The following ASZ1 variants were observed in gnomAD, a reference collection of about 807,000 sequenced individuals.
The protein encoded by ASZ1 is ankyrin repeat, SAM and basic leucine zipper domain containing 1.
In ASZ1, 67 loss-of-function variants were observed where a neutral mutation model predicts 61.8. The ratio of observed to expected loss-of-function variants is 1.08; its 90% confidence interval spans 0.89 to 1.33. The LOEUF is 1.33. Among genes scored for constraint, ASZ1 ranks in the 40% most tolerant of loss-of-function variants. The pLI is 0.00. For missense variants in ASZ1, 577 were observed against 554.5 expected (o/e 1.04, Z -0.41); for synonymous variants, 193 against 192.7 (o/e 1.00, Z -0.01).
chr7:117,363,854 T>C (rs1002177958), intron 12 of ASZ1, 106 bp from the exon 13 acceptor site: 4 of 949,620 alleles, frequency 4.2e-6, no homozygotes, highest in African/African-American at 1.7e-5. Context: ...TCATTTCACT[T>C]GATTTAGATG....
At chr7:117,366,395 G>GAAA (rs1795939895) in intron 12 of ASZ1, among the ~76,000 whole-genome samples, 1 of 152,116 alleles carries the variant, frequency 6.6e-6, no homozygotes, top group Non-Finnish European at 1.5e-5. Flanking sequence ...TAATGAAAAT[G>GAAA]TTAAATGAAT....
chr7:117,384,665 G>T, intron 6 of ASZ1, 61 bp downstream of exon 6: 1 of 1,508,722 alleles, frequency 6.6e-7, no homozygotes, highest in African/African-American at 1.4e-5. Context: ...TAATACAAAA[G>T]TTCTACAAAT....
intron 4 of ASZ1, among the ~76,000 whole-genome samples, chr7:117,414,255 T>C (rs1796948007): frequency 6.6e-6 from 1 of 152,128 alleles, no homozygotes; most frequent in African/African-American, 2.4e-5. Flanking sequence ...TTTTTTCCTT[T>C]TCAAGAAGCC....
chr7:117,385,643 G>T, intron 5 of ASZ1, 55 bp downstream of exon 5: 1 of 1,374,342 alleles, frequency 7.3e-7, no homozygotes, highest in Admixed American at 2.0e-5. Context: ...TTCTTTTTTT[G>T]TAGATTACTG....
intron 4 of ASZ1, among the ~76,000 whole-genome samples, chr7:117,408,283 A>G (rs1180143782): frequency 6.6e-6 from 1 of 152,194 alleles, no homozygotes; most frequent in Non-Finnish European, 1.5e-5. Context: ...CAAGGCTTTC[A>G]GAAGTTCTAG....
At chr7:117,384,670 A>G (rs892575101) in intron 6 of ASZ1, 56 bp downstream of exon 6, 1 of 1,522,822 alleles carries the variant, frequency 6.6e-7, no homozygotes, top group African/African-American at 1.4e-5. Context: ...CAAAAGTTCT[A>G]CAAATGATAA....
intron 4 of ASZ1, among the ~76,000 whole-genome samples, chr7:117,403,271 C>A (rs1269173575): frequency 1.3e-5 from 2 of 152,146 alleles, no homozygotes; most frequent in Admixed American, 1.3e-4. Flanking sequence ...TTGTTATTTT[C>A]CAAGTCCCGT....
intron 4 of ASZ1, among the ~76,000 whole-genome samples, chr7:117,397,024 AAATT>A (rs1028065459): frequency 2.6e-5 from 4 of 151,370 alleles, no homozygotes; most frequent in Non-Finnish European, 4.4e-5. Flanking sequence ...TAAAATAATT[AAATT>A]AATTAAAAAT....
At chr7:117,420,502 C>G (rs758370122) in intron 3 of ASZ1, among the ~76,000 whole-genome samples, 51 of 152,198 alleles carry the variant, frequency 3.4e-4, no homozygotes, top group Non-Finnish European at 7.3e-5. Context: ...TCCTTCCCCT[C>G]TTACTCCCAT....
At chr7:117,379,038 G>T (rs1007891998) in intron 10 of ASZ1, among the ~76,000 whole-genome samples, 1 of 150,548 alleles carries the variant, frequency 6.6e-6, no homozygotes, top group African/African-American at 2.4e-5. Context: ...ATGGGGAGAA[G>T]GTTAGATGTG....
chr7:117,380,084 TA>T (rs1272849564), intron 9 of ASZ1, 37 bp from the exon 10 acceptor site: 1 of 1,327,674 alleles, frequency 7.5e-7, no homozygotes, highest in Non-Finnish European at 1.1e-6. Flanking sequence ...GTAAGTTAGT[TA>T]TACTTGAGTA....
At chr7:117,422,404 GA>G in intron 2 of ASZ1, 45 bp from the exon 3 acceptor site, 1 of 1,589,612 alleles carries the variant, frequency 6.3e-7, no homozygotes, top group Non-Finnish European at 8.6e-7. Context: ...TACCACCAAA[GA>G]AAAAAATCAG....
chr7:117,419,472 T>C (rs1403312483), intron 4 of ASZ1, among the ~76,000 whole-genome samples: 1 of 152,226 alleles, frequency 6.6e-6, no homozygotes, highest in African/African-American at 2.4e-5. Context: ...TAATGAATTA[T>C]GAATAATAAT....
intron 4 of ASZ1, among the ~76,000 whole-genome samples, chr7:117,406,780 A>T (rs1052348225): frequency 6.6e-6 from 1 of 152,062 alleles, no homozygotes. Flanking sequence ...CGATAGATTC[A>T]AAATATATGA....
chr7:117,400,809 A>G (rs988273077), intron 4 of ASZ1, among the ~76,000 whole-genome samples: 24 of 152,344 alleles, frequency 1.6e-4, no homozygotes, highest in African/African-American at 5.3e-4. Context: ...AGTGGCTCAG[A>G]TAAACACCCC....
chr7:117,427,281 C>T (rs1290892587), intron 1 of ASZ1, 75 bp downstream of exon 1: 14 of 1,501,166 alleles, frequency 9.3e-6, no homozygotes, highest in Non-Finnish European at 1.3e-5. Context: ...GGAGGTTTCA[C>T]GAGGCTGGGC....
At chr7:117,370,956 T>C (rs1169572273) in intron 10 of ASZ1, among the ~76,000 whole-genome samples, 1 of 151,682 alleles carries the variant, frequency 6.6e-6, no homozygotes, top group Non-Finnish European at 1.5e-5. Flanking sequence ...ACCTGAGTAG[T>C]TGGGATTACA....
At chr7:117,421,415 A>G (rs1014475462) in intron 3 of ASZ1, among the ~76,000 whole-genome samples, 7 of 152,012 alleles carry the variant, frequency 4.6e-5, no homozygotes, top group Non-Finnish European at 7.4e-5. Context: ...AAGTCTCACT[A>G]TGTTGTCCAG....
chr7:117,391,553 G>T (rs767323646), intron 4 of ASZ1, among the ~76,000 whole-genome samples: 1 of 152,114 alleles, frequency 6.6e-6, no homozygotes, highest in Non-Finnish European at 1.5e-5. Context: ...GCCATTTACT[G>T]AATAGGGTAT....
Sources: gnomAD v4.1 joint callset for allele counts (sites outside exome capture counted in the v4.1 genomes callset) on GRCh38, gnomAD v4.1.1 for gene constraint, MANE v1.5 for transcripts, NCBI Gene and HGNC (gene_info 2026-07-23, HGNC 2026-07-21) for gene names.